The following SLC3A1 variants were observed in gnomAD, a reference collection of about 807,000 sequenced individuals.
SLC3A1 encodes the protein amino acid transporter heavy chain SLC3A1.
In SLC3A1, 78 loss-of-function variants were observed where a neutral mutation model predicts 60.3. The observed-to-expected ratio is 1.29, with a 90% CI of 1.08 to 1.56. The LOEUF (loss-of-function observed/expected upper bound fraction) is 1.56, where lower values mean the gene tolerates loss of function less well. SLC3A1 is among the 40% of genes most tolerant of loss of function. The pLI is 0.00. For missense variants in SLC3A1, 1,172 were observed against 858.9 expected, an observed-to-expected ratio of 1.36 and a Z score of -4.56; for synonymous variants, 392 against 307.9, an observed-to-expected ratio of 1.27 and a Z score of -2.86.
chr2:44,304,427 A>C, intron 7 of SLC3A1, 89 bp downstream of exon 7: 2 of 995,432 alleles, frequency 2.0e-6, no homozygotes, highest in South Asian at 2.7e-5. Context: ...CTTTGTCTCT[A>C]AGTGACCATC....
In SLC3A1 at chr2:44,286,039, T is replaced by C; in HGVS notation, c.773T>C (p.Val258Ala). Residue 258 changes from valine (V) to alanine (A), a missense_variant, in exon 4 of 10, where the codon GTG (valine) becomes GCG (alanine). Physicochemically the swap from Val to Ala is moderately conservative, Grantham distance 64 (BLOSUM62 0). Transcript: ENST00000260649. Reference protein sequence around the residue: ...KTIPPNNWLSVYGNSSWHFDE... With the variant: ...KTIPPNNWLSAYGNSSWHFDE... ...GTTTTCTTTGTTTGCCAGTTAAGTG[T>C]GTATGGAAACTCCAGTTGGCACTTT... 6.2e-7 allele frequency: 1 copy of C among 1,614,166 alleles called. No homozygotes were observed. The highest frequency in any genetic ancestry group is 1.1e-5 in the South Asian group (1 of 91,082).
intron 7 of SLC3A1, among the ~76,000 whole-genome samples, chr2:44,308,408 T>C (rs1251578568): frequency 6.6e-6 from 1 of 152,242 alleles, no homozygotes; most frequent in Non-Finnish European, 1.5e-5. Flanking sequence ...AGGGATTGCA[T>C]TGAATCTGTT....
intron 1 of SLC3A1, among the ~76,000 whole-genome samples, chr2:44,279,349 C>T (rs1055308524): frequency 6.6e-6 from 1 of 152,160 alleles, no homozygotes; most frequent in Non-Finnish European, 1.5e-5. Flanking sequence ...CCCTCCTTTC[C>T]TTTGCTGTGC....
At chr2:44,321,678 A>T (rs1279477053), downstream of SLC3A1, 1 of 1,548,846 alleles carries the variant, frequency 6.5e-7, no homozygotes, top group South Asian at 1.2e-5. Context: ...TGATTGACAC[A>T]GTGTCCCTCC....
intron 3 of SLC3A1, 162 bp from the exon 4 acceptor site, chr2:44,285,870 G>T (rs1326153025): frequency 1.5e-5 from 13 of 849,758 alleles, no homozygotes; most frequent in Non-Finnish European, 2.2e-5. Context: ...CCAATGGGGT[G>T]GGGGGTATTT....
intron 6 of SLC3A1, chr2:44,303,710 C>G (rs1450382964): frequency 3.3e-6 from 1 of 300,272 alleles, no homozygotes; most frequent in Non-Finnish European, 6.5e-6. Context: ...AGGTATTTCT[C>G]CTAATGCTAT....
At chr2:44,302,792 G>C (rs1488204727) in intron 6 of SLC3A1, among the ~76,000 whole-genome samples, 2 of 152,228 alleles carry the variant, frequency 1.3e-5, no homozygotes, top group African/African-American at 2.4e-5. Flanking sequence ...ATTCTAAATG[G>C]AGTGATGAGA....
chr2:44,311,100 C>A (rs113458218), intron 7 of SLC3A1, among the ~76,000 whole-genome samples: 4 of 148,814 alleles, frequency 2.7e-5, no homozygotes, highest in South Asian at 2.1e-4. Flanking sequence ...TGGCCTCATT[C>A]TTCTTTTTCT....
At chr2:44,290,863 T>A (rs1671726484) in intron 4 of SLC3A1, among the ~76,000 whole-genome samples, 1 of 152,222 alleles carries the variant, frequency 6.6e-6, no homozygotes, top group East Asian at 1.9e-4. Flanking sequence ...GGGTTAGTTT[T>A]AAACTTCTCT....
rs138646467 is a variant in SLC3A1, at chr2:44,281,304, G to A, written c.611-83G>A. 1.4e-3 allele frequency: 1,742 copies of A among 1,235,740 alleles called. 3 individuals are homozygous for A. The highest frequency in any genetic ancestry group is 1.9e-3 in the Non-Finnish European group (1,594 of 843,436). 76.5% of individuals were successfully genotyped at this position (1,235,740 alleles called of 1,614,324 possible). A position where few individuals can be genotyped will look rare whatever the true frequency, so the allele number is the denominator to read the frequency against. On this transcript the variant is annotated intron_variant, in intron 2 of 9. Transcript: ENST00000260649. The stretch of plus-strand genomic sequence containing the variant: ...CTCCCAGTGTATTGGGGTTACAGGC[G>A]TTAGCCATTACTGTGCCTGGCCTGT...
chr2:44,313,816 T>G lies in SLC3A1; in HGVS notation c.1501-19T>G, dbSNP rs765677871. On this transcript the variant is annotated intron_variant, in intron 8 of 9. Coordinates refer to ENST00000260649, the MANE Select transcript of SLC3A1 (RefSeq NM_000341.4). ...TAATAACCAAACCACTGTTTTCCCT[T>G]TCTGGTCTTTTGACATAGAATACCC... The G allele has an allele frequency of 7.6e-6, 12 of 1,576,578 alleles. No individual in the cohort carries two copies. Among genetic ancestry groups the G allele is most frequent in the Non-Finnish European group, 1.0e-5 (12 of 1,145,808 alleles).
chr2:44,320,295 C>A lies in SLC3A1; in HGVS notation c.1714C>A (p.His572Asn). ...ELLLNRGWFC[H>N]LRNDSHYVVY... The stretch of plus-strand genomic sequence containing the variant: ...ACTCCTCAACAGGGGCTGGTTTTGC[C>A]ATTTGAGGAATGACAGCCACTATGT... Residue 572 changes from histidine (H) to asparagine (N), a missense_variant, in exon 10 of 10, where the codon CAT becomes AAT. Physicochemically the swap from His to Asn is moderately conservative, Grantham distance 68. Transcript: ENST00000260649. The A allele has an allele frequency of 6.2e-7, 1 of 1,614,090 alleles. No homozygotes were observed. The highest frequency in any genetic ancestry group is 1.1e-5 in the South Asian group (1 of 91,082).
chr2:44,277,919 G>T (rs918761883), intron 1 of SLC3A1, among the ~76,000 whole-genome samples: 1 of 152,146 alleles, frequency 6.6e-6, no homozygotes, highest in African/African-American at 2.4e-5. Context: ...TCCCATTCCA[G>T]CTTTGAGTCT....
At chr2:44,303,110 AG>A (rs1672058412) in intron 6 of SLC3A1, among the ~76,000 whole-genome samples, 1 of 151,706 alleles carries the variant, frequency 6.6e-6, no homozygotes, top group South Asian at 2.1e-4. Context: ...CTGAGGCAGG[AG>A]AATCACTTGC....
At chr2:44,284,467 T>C (rs1300180968) in intron 3 of SLC3A1, among the ~76,000 whole-genome samples, 2 of 152,194 alleles carry the variant, frequency 1.3e-5, no homozygotes, top group African/African-American at 4.8e-5. Context: ...AAATTCATTA[T>C]CAAAATGGTT....
chr2:44,281,454 T>A lies in SLC3A1; in HGVS notation c.678T>A (p.Ser226Arg). 1 of 1,613,746 alleles carries A rather than the reference T, an allele frequency of 6.2e-7. No individual in the cohort carries two copies. The highest frequency in any genetic ancestry group is 8.5e-7 in the Non-Finnish European group (1 of 1,179,676). Residue 226 changes from serine to arginine, a missense_variant, in exon 3 of 10, where the codon AGT becomes AGA. Coordinates refer to ENST00000260649, the MANE Select transcript of SLC3A1 (RefSeq NM_000341.4). Reference sequence around the variant, plus strand: ...ATAAACATATTTGGTTTCAATTGAGTCGGACACGGACAGGAAAATATACTG... The same window carrying A: ...ATAAACATATTTGGTTTCAATTGAGACGGACACGGACAGGAAAATATACTG... ...TSDKHIWFQL[S>R]RTRTGKYTDY...
chr2:44,302,187 CAGGT>C (rs1459371392), intron 6 of SLC3A1, among the ~76,000 whole-genome samples: 1 of 152,194 alleles, frequency 6.6e-6, no homozygotes, highest in Non-Finnish European at 1.5e-5. Flanking sequence ...GCTTTGGAAT[CAGGT>C]AGGTCTGAAG....
At chr2:44,317,368 G>A (rs1378296015) in intron 9 of SLC3A1, among the ~76,000 whole-genome samples, 1 of 151,872 alleles carries the variant, frequency 6.6e-6, no homozygotes, top group African/African-American at 2.4e-5. Context: ...AGGCTGAGGT[G>A]GGAGGATCAC....
chr2:44,286,677 G>A (rs1021509879), intron 4 of SLC3A1, among the ~76,000 whole-genome samples: 5 of 142,346 alleles, frequency 3.5e-5, no homozygotes, highest in Non-Finnish European at 7.6e-5. Flanking sequence ...TGTCTGTGAC[G>A]GTGAGCTGTG....
Sources: gnomAD v4.1 joint callset for allele counts (sites outside exome capture counted in the v4.1 genomes callset) on GRCh38, gnomAD v4.1.1 for gene constraint, MANE v1.5 for transcripts, NCBI Gene and HGNC (gene_info 2026-07-23, HGNC 2026-07-21) for gene names.